Variants in ZNF737 observed in about 807,000 individuals in gnomAD.
ZNF737 encodes the protein zinc finger protein 737.
Under a neutral mutation model 11.7 loss-of-function variants are expected in ZNF737, and 13 were observed. The observed-to-expected ratio is 1.11, with a 90% CI of 0.73 to 1.77. The LOEUF is 1.77. Ranked by LOEUF, ZNF737 falls within the 40% of genes most tolerant of loss-of-function variation. ZNF737 has a pLI of 0.00. For missense variants in ZNF737, 636 were observed against 638.0 expected, an observed-to-expected ratio of 1.00 and a Z score of 0.03; for synonymous variants, 217 against 216.2, an observed-to-expected ratio of 1.00 and a Z score of -0.03.
chr19:20,557,185 T>G (rs1239441104), intron 1 of ZNF737, among the ~76,000 whole-genome samples: 1 of 152,188 alleles, frequency 6.6e-6, no homozygotes, highest in Non-Finnish European at 1.5e-5. Context: ...CTGGTTTTAA[T>G]AGAAGATTAA....
At chr19:20,533,403 T>C (rs1555753236), downstream of ZNF737, among the ~76,000 whole-genome samples, 2 of 150,006 alleles carry the variant, frequency 1.3e-5, no homozygotes, top group Non-Finnish European at 3.0e-5. Flanking sequence ...TCCAGCTTCA[T>C]ATATATATAC....
chr19:20,562,324 C>A (rs1555762648), intron 1 of ZNF737, among the ~76,000 whole-genome samples: 3 of 149,750 alleles, frequency 2.0e-5, no homozygotes, highest in Non-Finnish European at 4.4e-5. Context: ...TAGGCACCCA[C>A]CAACACACCT....
chr19:20,563,463 T>TTC (rs1969178901), intron 1 of ZNF737, among the ~76,000 whole-genome samples: 1 of 149,828 alleles, frequency 6.7e-6, no homozygotes, highest in Non-Finnish European at 1.5e-5. Flanking sequence ...AAACACAGTG[T>TTC]TTACATAAGA....
chr19:20,553,239 C>G (rs1968760220), intron 2 of ZNF737, among the ~76,000 whole-genome samples: 1 of 152,022 alleles, frequency 6.6e-6, no homozygotes, highest in African/African-American at 2.4e-5. Flanking sequence ...GATGAAACAT[C>G]TTGAAGAAAT....
Position 20,543,853 on chromosome 19 carries a change from C to T in ZNF737, c.*739G>A, listed in dbSNP as rs782053960. The stretch of plus-strand genomic sequence containing the variant: ...TAAGAATTGAGAACTTGTGGCTGGG[C>T]GTCGTGGCTCACGCCTGTAATCCCA... On this transcript the variant is annotated 3_prime_UTR_variant, in exon 4 of 4. Transcript: ENST00000427401. 15 of 985,296 alleles carry T rather than the reference C, an allele frequency of 1.5e-5. No individual in the cohort carries two copies. The highest frequency in any genetic ancestry group is 1.7e-5 in the African/African-American group (1 of 57,324). 61.0% of individuals were successfully genotyped at this position (985,296 alleles called of 1,614,324 possible).
At chr19:20,551,912 T>C (rs1968687709) in intron 3 of ZNF737, among the ~76,000 whole-genome samples, 1 of 139,086 alleles carries the variant, frequency 7.2e-6, no homozygotes, top group South Asian at 2.2e-4. Context: ...AAATGGAAAA[T>C]ACAATTCTAA....
chr19:20,553,978 C>T, intron 1 of ZNF737, 143 bp from the exon 2 acceptor site: 1 of 989,996 alleles, frequency 1.0e-6, no homozygotes. Flanking sequence ...TAACTTTCAA[C>T]ACAGAAATAT....
chr19:20,543,945 T>C lies in ZNF737; in HGVS notation c.*647A>G, dbSNP rs2144607233. On this transcript the variant is annotated 3_prime_UTR_variant, in exon 4 of 4. Coordinates refer to ENST00000427401, the MANE Select transcript of ZNF737 (RefSeq NM_001159293.2). ...GAGTTCGAGACCAGCCTGGCAAACA[T>C]GGCGAAGTCGCATCTCTACTAAAAA... 1 of 725,814 alleles carries C rather than the reference T, an allele frequency of 1.4e-6. No homozygotes were observed. Among genetic ancestry groups the C allele is most frequent in the South Asian group, 6.3e-5 (1 of 15,978 alleles). The allele number at this position is 725,814 out of a possible 1,614,324, so 45.0% of individuals were successfully genotyped here.
Position 20,552,348 on chromosome 19 carries a change from A to C in ZNF737, c.226+127T>G, listed in dbSNP as rs1215050705. 2.3e-5 allele frequency: 12 copies of C among 530,106 alleles called. 1 individual carries two copies. The highest frequency in any genetic ancestry group is 1.6e-4 in the East Asian group (4 of 24,446). 32.8% of individuals were successfully genotyped at this position (530,106 alleles called of 1,614,324 possible). A position where few individuals can be genotyped will look rare whatever the true frequency, so the allele number is the denominator to read the frequency against. Reference sequence around the variant, plus strand: ...TTTAAAAAAGAAAAAAAAAAAAAAAACAGCTCCCAGGAACTATTTTCTTTG... The same window carrying C: ...TTTAAAAAAGAAAAAAAAAAAAAAACCAGCTCCCAGGAACTATTTTCTTTG... On this transcript the variant is annotated intron_variant, in intron 3 of 3. Transcript: ENST00000427401.
intron 1 of ZNF737, among the ~76,000 whole-genome samples, chr19:20,560,312 G>A (rs1243918313): frequency 2.0e-5 from 3 of 152,038 alleles, no homozygotes; most frequent in Non-Finnish European, 4.4e-5. Flanking sequence ...TCATGCCATG[G>A]CACTCTAGCC....
the ZNF737 span, among the ~76,000 whole-genome samples, chr19:20,530,332 C>G: frequency 2.1e-5 from 3 of 142,004 alleles, no homozygotes; most frequent in East Asian, 4.6e-4. Flanking sequence ...ACCTCCCTCC[C>G]GGACGGGGCA....
rs1968252446 is a variant in ZNF737, at chr19:20,542,486, C to T, written c.*2106G>A. On this transcript the variant is annotated 3_prime_UTR_variant, in exon 4 of 4. Coordinates refer to ENST00000427401, the MANE Select transcript of ZNF737 (RefSeq NM_001159293.2). ...ACCTCAGGTGATCTGCCCACCTTGG[C>T]CTCCCAAAGTGCTGAAATTACAGGC... 2 of 885,888 alleles carry T rather than the reference C, an allele frequency of 2.3e-6. No individual in the cohort carries two copies. The highest frequency in any genetic ancestry group is 3.6e-5 in the African/African-American group (2 of 55,142). The allele number at this position is 885,888 out of a possible 1,614,324, so 54.9% of individuals were successfully genotyped here. A position where few individuals can be genotyped will look rare whatever the true frequency, so the allele number is the denominator to read the frequency against.
Position 20,540,707 on chromosome 19 carries a change from T to C in ZNF737, c.*3885A>G, listed in dbSNP as rs1433763532. On this transcript the variant is annotated 3_prime_UTR_variant, in exon 4 of 4. Coordinates refer to ENST00000427401, the MANE Select transcript of ZNF737 (RefSeq NM_001159293.2). ...CCAGGAGGTGGAGGTTGCCATGAGC[T>C]GAGATCACGCCACTGCTCTCCAGCC... 2 of 673,474 alleles carry C rather than the reference T, an allele frequency of 3.0e-6. No homozygotes were observed. Among genetic ancestry groups the C allele is most frequent in the Non-Finnish European group, 3.7e-6 (2 of 546,236 alleles). The allele number at this position is 673,474 out of a possible 1,614,324, so 41.7% of individuals were successfully genotyped here. A position where few individuals can be genotyped will look rare whatever the true frequency, so the allele number is the denominator to read the frequency against.
intron 1 of ZNF737, 32 bp downstream of exon 1, chr19:20,565,606 C>CCTCT: frequency 1.2e-6 from 2 of 1,614,212 alleles, no homozygotes; most frequent in Non-Finnish European, 1.7e-6. Flanking sequence ...AGCCTATCCC[C>CCTCT]CTCTCTCGGG....
At chr19:20,551,632 C>T (rs184941266) in intron 3 of ZNF737, among the ~76,000 whole-genome samples, 13 of 151,580 alleles carry the variant, frequency 8.6e-5, no homozygotes, top group South Asian at 2.1e-4. Flanking sequence ...TTGTTTCATA[C>T]GCTTAAAACA....
intron 2 of ZNF737, among the ~76,000 whole-genome samples, chr19:20,553,191 T>A (rs1047928758): frequency 6.6e-6 from 1 of 152,162 alleles, no homozygotes; most frequent in Non-Finnish European, 1.5e-5. Context: ...GGAGTGAAGA[T>A]TACAGCTCAC....
At chr19:20,555,401 C>T (rs984435777) in intron 1 of ZNF737, among the ~76,000 whole-genome samples, 1 of 152,064 alleles carries the variant, frequency 6.6e-6, no homozygotes, top group Non-Finnish European at 1.5e-5. Context: ...CCAGGATGGT[C>T]TCAATCTCCT....
intron 1 of ZNF737, among the ~76,000 whole-genome samples, chr19:20,555,529 C>CT (rs1968858237): frequency 1.3e-5 from 2 of 152,176 alleles, no homozygotes. Flanking sequence ...ATGGAACACA[C>CT]TAATGGAGCC....
intron 2 of ZNF737, among the ~76,000 whole-genome samples, chr19:20,553,502 C>A (rs1424776831): frequency 7.2e-5 from 11 of 152,004 alleles, no homozygotes; most frequent in African/African-American, 2.7e-4. Context: ...TCAGGTAATA[C>A]CCCCACCTCA....
Sources: gnomAD v4.1 joint callset for allele counts (sites outside exome capture counted in the v4.1 genomes callset) on GRCh38, gnomAD v4.1.1 for gene constraint, MANE v1.5 for transcripts, NCBI Gene and HGNC (gene_info 2026-07-23, HGNC 2026-07-21) for gene names.